SRM: variants seen among roughly 807,000 people sequenced by gnomAD.
SRM encodes putrescine aminopropyltransferase.
A neutral mutation model predicts 39.3 loss-of-function variants in SRM; 14 were observed. The observed-to-expected ratio is 0.36, with a 90% CI of 0.24 to 0.56. The LOEUF is 0.56. Among genes scored for constraint, SRM ranks in the 20% least tolerant of loss-of-function variants. SRM has a pLI of 0.86. For synonymous variants in SRM, 195 were observed against 173.1 expected (o/e 1.13, Z -0.99); for missense variants, 244 against 409.2 (o/e 0.60, Z 3.48).
In SRM at chr1:11,056,653, C is replaced by A; in HGVS notation, c.486G>T (p.Gln162His). 6.2e-7 allele frequency: 1 copy of A among 1,614,190 alleles called. No individual in the cohort carries two copies. Among genetic ancestry groups the A allele is most frequent in the South Asian group, 1.1e-5 (1 of 91,088 alleles). Residue 162 changes from glutamine (Q) to histidine (H), a missense_variant, in exon 4 of 8, where the codon CAG becomes CAT. Coordinates refer to ENST00000376957, the MANE Select transcript of SRM (RefSeq NM_003132.3). ...TGATCACGTCGAAGGCATCCTGATT[C>A]TGTTTCATGAACTCAAAACCGTCAC... ...HVGDGFEFMK[Q>H]NQDAFDVIIT...
rs181794135 is a variant in SRM, at chr1:11,056,864, A to T, written c.382-107T>A. The T allele has an allele frequency of 3.3e-4, 370 of 1,138,438 alleles. 2 individuals are homozygous for T. The African/African-American group carries it at 4.7e-3, about 14-fold the overall frequency. 70.5% of individuals were successfully genotyped at this position (1,138,438 alleles called of 1,614,324 possible). A position where few individuals can be genotyped will look rare whatever the true frequency, so the allele number is the denominator to read the frequency against. ...GCCTCACAGGCAAGCCGCCTTGGCC[A>T]ACCCCTTCCCTTTTTTTTATTATTT... On this transcript the variant is annotated intron_variant, in intron 3 of 7. Coordinates refer to ENST00000376957, the MANE Select transcript of SRM (RefSeq NM_003132.3).
chr1:11,059,979 G>A lies in SRM; in HGVS notation c.-36C>T. ...CGGGCGGCGCGGGGCGCGGGCCCGG[G>A]ACTGCAGGCCGCGCGGCGCCGCAGC... On this transcript the variant is annotated 5_prime_UTR_variant, in exon 1 of 8. Coordinates refer to ENST00000376957, the MANE Select transcript of SRM (RefSeq NM_003132.3). The A allele has an allele frequency of 1.0e-6, 1 of 965,942 alleles. No individual in the cohort carries two copies. The highest frequency in any genetic ancestry group is 4.6e-5 in the South Asian group (1 of 21,786). 59.8% of individuals were successfully genotyped at this position (965,942 alleles called of 1,614,324 possible). A position where few individuals can be genotyped will look rare whatever the true frequency, so the allele number is the denominator to read the frequency against.
rs1019639596 is a variant in SRM at position 11,054,622 on chromosome 1, G to A, written c.*243C>T. On this transcript the variant is annotated 3_prime_UTR_variant, in exon 8 of 8. Transcript: ENST00000376957. The surrounding 1 kb of genome is among the most constrained non-coding windows in gnomAD (Gnocchi z 4.8). ...AAATACACGTGTTTGGTGAGTGAGG[G>A]GCAACAGAAGGCAGAGAGATGGCGC... is the stretch of plus-strand genomic sequence containing the variant. 29 of 554,602 alleles carry A rather than the reference G, an allele frequency of 5.2e-5. No individual in the cohort carries two copies. Among genetic ancestry groups the A allele is most frequent in the Non-Finnish European group, 8.4e-5 (27 of 320,564 alleles). The allele number at this position is 554,602 out of a possible 1,614,324, so 34.4% of individuals were successfully genotyped here.
At position 11,055,933 on chromosome 1, in the gene SRM, G is replaced by A. The variant is rs546643019; in HGVS notation, c.620-7C>T. 3.1e-6 allele frequency: 5 copies of A among 1,595,736 alleles called. No individual in the cohort carries two copies. In the African/African-American group the frequency reaches 5.4e-5, roughly 17 times the overall value. ...TGCAGCCACTGGCACTCGCCTGGGGGCCCCTAAGCATCAGCATCCGGCAGG... is the reference window on the plus strand; with the variant it reads ...TGCAGCCACTGGCACTCGCCTGGGGACCCCTAAGCATCAGCATCCGGCAGG... On this transcript the variant is annotated splice_polypyrimidine_tract_variant and splice_region_variant and intron_variant, in intron 5 of 7. Coordinates refer to ENST00000376957, the MANE Select transcript of SRM (RefSeq NM_003132.3).
chr1:11,057,732 C>T (rs1042055390), intron 3 of SRM, among the ~76,000 whole-genome samples: 1 of 151,692 alleles, frequency 6.6e-6, no homozygotes, highest in African/African-American at 2.4e-5. Flanking sequence ...TCCTGTCCCC[C>T]AGCCCCTGTC....
In SRM at chr1:11,055,101, G is replaced by GGT; in HGVS notation, c.766-18_766-17insAC. On this transcript the variant is annotated splice_polypyrimidine_tract_variant and intron_variant, in intron 6 of 7. Coordinates refer to ENST00000376957, the MANE Select transcript of SRM (RefSeq NM_003132.3). ...GTTCGTGCTCTGGGGACCGGGCCAG[G>GGT]GGCACATCAGGGGGGGCACTTTTTT... is the stretch of plus-strand genomic sequence containing the variant. 6.3e-7 allele frequency: 1 copy of GGT among 1,587,342 alleles called. No individual in the cohort carries two copies. The highest frequency in any genetic ancestry group is 1.1e-5 in the South Asian group (1 of 87,826).
intron 2 of SRM, 29 bp from the exon 3 acceptor site, chr1:11,058,921 G>A (rs1173071806): frequency 1.9e-6 from 3 of 1,576,104 alleles, no homozygotes; most frequent in Non-Finnish European, 1.7e-6. Context: ...CAAGGCAGGG[G>A]CCCTGGCAGG....
At chr1:11,059,384 G>T in intron 1 of SRM, 39 bp from the exon 2 acceptor site, 1 of 1,607,446 alleles carries the variant, frequency 6.2e-7, no homozygotes, top group Non-Finnish European at 8.5e-7. Flanking sequence ...GGGTTCTCTG[G>T]GGTGGGGAAA....
chr1:11,054,651 A>G lies in SRM; in HGVS notation c.*214T>C. On this transcript the variant is annotated 3_prime_UTR_variant, in exon 8 of 8. Transcript: ENST00000376957. The surrounding 1 kb of genome is among the most constrained non-coding windows in gnomAD (Gnocchi z 4.8). ...ACAGAAGGCAGAGAGATGGCGCTGT[A>G]CACAGCTGGTATAGGCTTGGAGGTG... 3.1e-6 allele frequency: 2 copies of G among 649,578 alleles called. No individual in the cohort carries two copies. The highest frequency in any genetic ancestry group is 3.7e-5 in the African/African-American group (2 of 54,746). 40.2% of individuals were successfully genotyped at this position (649,578 alleles called of 1,614,324 possible).
rs1486496019 is a variant in SRM at position 11,056,088 on chromosome 1, G to GC, written c.541dup (p.Ala181GlyfsTer120). ...ATAGGACTCCTTGAAGAGACTTTCG[G>GC]CGGGGCCTGGGGAAGACAGAGGGAG... is the stretch of plus-strand genomic sequence containing the variant. On this transcript the variant is annotated frameshift_variant, in exon 5 of 8. Transcript: ENST00000376957. LOFTEE classifies it high-confidence loss of function. 1 of 1,610,272 alleles carries GC rather than the reference G, an allele frequency of 6.2e-7. No individual in the cohort carries two copies. The highest frequency in any genetic ancestry group is 1.1e-5 in the South Asian group (1 of 90,370).
chr1:11,056,124 C>T (rs775210710), intron 4 of SRM, 30 bp from the exon 5 acceptor site: 30 of 1,580,444 alleles, frequency 1.9e-5, no homozygotes, highest in Non-Finnish European at 2.3e-5. Context: ...ACACACTGAA[C>T]AGTCTGGCTG....
intron 2 of SRM, 125 bp from the exon 3 acceptor site, chr1:11,059,017 C>G: frequency 7.7e-7 from 1 of 1,297,980 alleles, no homozygotes; most frequent in Non-Finnish European, 1.1e-6. Context: ...GAAACGCTTT[C>G]GTGCCGGTGT....
chr1:11,058,452 T>G (rs1326638351), intron 3 of SRM, among the ~76,000 whole-genome samples: 1 of 149,996 alleles, frequency 6.7e-6, no homozygotes, highest in Non-Finnish European at 1.5e-5. Flanking sequence ...TCCCAGCTAC[T>G]CCGGAGGCTG....
chr1:11,056,221 A>G, intron 4 of SRM, 127 bp from the exon 5 acceptor site: 1 of 866,818 alleles, frequency 1.2e-6, no homozygotes, highest in Non-Finnish European at 1.8e-6. Context: ...TCCACACCTG[A>G]ATCCCATTCT....
At position 11,055,007 on chromosome 1, in the gene SRM, G is replaced by C. The variant is rs376691268; in HGVS notation, c.843C>G (p.Ser281=). Residue 281 remains serine, a synonymous_variant, in exon 7 of 8, where the codon TCC becomes TCG. Coordinates refer to ENST00000376957, the MANE Select transcript of SRM (RefSeq NM_003132.3). ...GCACAAAGGCGGCGCGGTGCACGTC[G>C]GAGTTGTAGTACTTCAGCTGCATCT... ...VAQMQLKYYN[S]DVHRAAFVLP... 6.2e-7 allele frequency: 1 copy of C among 1,612,810 alleles called. No homozygotes were observed. The highest frequency in any genetic ancestry group is 1.3e-5 in the African/African-American group (1 of 75,024).
rs1638910605 is a variant in SRM at position 11,058,049 on chromosome 1, G to A, written c.381+751C>T. On this transcript the variant is annotated intron_variant, in intron 3 of 7. Transcript: ENST00000376957. ...CCGCCTTGGCGTCCCAAAGTGCTGG[G>A]ATTACAGGTGTGAGCCACCACGTCT... is the stretch of plus-strand genomic sequence containing the variant. Among the ~76,000 whole-genome samples, 3 of 152,114 alleles carry A rather than the reference G, an allele frequency of 2.0e-5. No individual in the cohort carries two copies. The South Asian group carries it at 6.2e-4, about 31-fold the overall frequency.
At position 11,056,691 on chromosome 1, in the gene SRM, T is replaced by A. The variant is rs1403537136; in HGVS notation, c.448A>T (p.Thr150Ser). The A allele has an allele frequency of 1.2e-6, 2 of 1,614,000 alleles. No individual in the cohort carries two copies. The highest frequency in any genetic ancestry group is 2.7e-5 in the African/African-American group (2 of 74,894). ...MAIGYSSSKL[T>S]LHVGDGFEFM... The stretch of plus-strand genomic sequence containing the variant: ...TCAAAACCGTCACCCACATGTAGGG[T>A]CAGCTTCGAGCTAGAGTAGCCAATG... Residue 150 changes from threonine to serine, a missense_variant, in exon 4 of 8, where the codon ACC (threonine) becomes TCC (serine). Physicochemically the swap from Thr to Ser is moderately conservative, Grantham distance 58. Coordinates refer to ENST00000376957, the MANE Select transcript of SRM (RefSeq NM_003132.3).
chr1:11,059,771 C>T lies in SRM; in HGVS notation c.167+6G>A, dbSNP rs1638946936. Reference sequence around the variant, plus strand: ...GGGGGCAGGCGCCTGCGGGCAGCGGCGGTACCTGCGGAAGACGAGGATGTC... The same window carrying T: ...GGGGGCAGGCGCCTGCGGGCAGCGGTGGTACCTGCGGAAGACGAGGATGTC... On this transcript the variant is annotated splice_donor_region_variant and intron_variant, in intron 1 of 7. Transcript: ENST00000376957. The T allele has an allele frequency of 1.3e-6, 2 of 1,571,392 alleles. No homozygotes were observed. Among genetic ancestry groups the T allele is most frequent in the Admixed American group, 1.7e-5 (1 of 58,394 alleles).
rs375761503 is a variant in SRM at position 11,054,803 on chromosome 1, C to T, written c.*62G>A. ...AGGTCCGGCCCGGGGCTGGAGGGGC[C>T]GAGGCACCCCGCAGGCTCCAAGGTC... On this transcript the variant is annotated 3_prime_UTR_variant, in exon 8 of 8. Coordinates refer to ENST00000376957, the MANE Select transcript of SRM (RefSeq NM_003132.3). This position sits in a 1 kb window ranked among gnomAD's most constrained non-coding sequence, Gnocchi z 4.8. The T allele has an allele frequency of 2.1e-5, 32 of 1,541,248 alleles. No individual in the cohort carries two copies. The highest frequency in any genetic ancestry group is 1.2e-4 in the Admixed American group (6 of 50,884).
Sources: allele counts gnomAD v4.1 joint callset (sites outside exome capture counted in the v4.1 genomes callset), GRCh38; gene constraint gnomAD v4.1.1; non-coding constraint Gnocchi (gnomAD v3.1); transcripts MANE v1.5; gene names NCBI Gene and HGNC (gene_info 2026-07-23, HGNC 2026-07-21).